The following MKX variants were observed in gnomAD, a reference collection of about 807,000 sequenced individuals.
MKX encodes the protein homeobox protein Mohawk.
MKX carries 13 observed loss-of-function variants against 36.0 expected under a neutral mutation model. The ratio of observed to expected loss-of-function variants is 0.36; its 90% confidence interval spans 0.24 to 0.57. The LOEUF is 0.57. MKX is among the 20% of genes least tolerant of loss of function. MKX has a pLI of 0.79. For missense variants in MKX, 458 were observed against 456.4 expected (o/e 1.00, Z -0.03); for synonymous variants, 176 against 178.3 (o/e 0.99, Z 0.10).
At chr10:27,715,001 A>G (rs988830987) in intron 5 of MKX, among the ~76,000 whole-genome samples, 1 of 152,204 alleles carries the variant, frequency 6.6e-6, no homozygotes, top group Non-Finnish European at 1.5e-5. Flanking sequence ...TGCCTTTGGC[A>G]TTCTGAGGCC....
At chr10:27,710,850 G>A (rs1478549838) in intron 5 of MKX, among the ~76,000 whole-genome samples, 5 of 151,964 alleles carry the variant, frequency 3.3e-5, no homozygotes, top group African/African-American at 1.2e-4. Context: ...GTAGAGATGG[G>A]GTTTCACCAT....
chr10:27,675,924 G>A (rs1486832473), intron 5 of MKX, among the ~76,000 whole-genome samples: 1 of 152,122 alleles, frequency 6.6e-6, no homozygotes, highest in Non-Finnish European at 1.5e-5. Flanking sequence ...TGTAACCTGG[G>A]GGCAGATTAT....
In MKX at chr10:27,741,512, A is replaced by T. The variant is rs1333816058; in HGVS notation, c.189-8T>A. ...CCGCCATTCTGCCGGGCGCTGGGAC[A>T]TGGGGAGAGGAGGCGGCCCTGGTGA... On this transcript the variant is annotated splice_polypyrimidine_tract_variant and splice_region_variant and intron_variant, in intron 2 of 6. Transcript: ENST00000419761. The surrounding 1 kb of genome is among the most constrained non-coding windows in gnomAD (Gnocchi z 5.1). 3 of 1,583,802 alleles carry T rather than the reference A, an allele frequency of 1.9e-6. No homozygotes were observed. The highest frequency in any genetic ancestry group is 2.3e-5 in the East Asian group (1 of 43,592).
At chr10:27,700,058 T>A (rs933952653) in intron 5 of MKX, among the ~76,000 whole-genome samples, 1 of 152,250 alleles carries the variant, frequency 6.6e-6, no homozygotes, top group African/African-American at 2.4e-5. Flanking sequence ...TTGGCCTCCA[T>A]AATTCTGGAA....
At chr10:27,691,713 C>A (rs546016188) in intron 5 of MKX, among the ~76,000 whole-genome samples, 23 of 152,186 alleles carry the variant, frequency 1.5e-4, no homozygotes, top group Non-Finnish European at 2.4e-4. Context: ...CCTCTCTCCA[C>A]CCTTTTGGAG....
Position 27,675,016 on chromosome 10 carries a change from G to A in MKX, c.*213C>T, listed in dbSNP as rs773932749. On this transcript the variant is annotated 3_prime_UTR_variant, in exon 7 of 7. Transcript: ENST00000419761. ...AATGCAGATGTTTTATGCATAGTTT[G>A]AGTAACATAAAATAAGTTAATATTT... 1 of 459,212 alleles carries A rather than the reference G, an allele frequency of 2.2e-6. No homozygotes were observed. Among genetic ancestry groups the A allele is most frequent in the Non-Finnish European group, 3.8e-6 (1 of 261,288 alleles). 28.4% of individuals were successfully genotyped at this position (459,212 alleles called of 1,614,324 possible).
At position 27,714,458 on chromosome 10, in the gene MKX, A is replaced by G. The variant is rs141368029; in HGVS notation, c.838+19998T>C. The stretch of plus-strand genomic sequence containing the variant: ...AATTAATTATTCTCTTAAAGTAACA[A>G]TCTTCATTAATACAAGGTGATCAAA... On this transcript the variant is annotated intron_variant, in intron 5 of 6. Coordinates refer to ENST00000419761, the MANE Select transcript of MKX (RefSeq NM_173576.3). 2.0e-3 allele frequency among the ~76,000 whole-genome samples: 302 copies of G among 152,352 alleles called. 1 individual carries two copies. The highest frequency in any genetic ancestry group is 6.9e-3 in the African/African-American group (287 of 41,574).
At chr10:27,725,321 G>C (rs1367866407) in intron 5 of MKX, among the ~76,000 whole-genome samples, 1 of 152,150 alleles carries the variant, frequency 6.6e-6, no homozygotes, top group Non-Finnish European at 1.5e-5. Context: ...AGGAAAGAGA[G>C]AAAAAGTTCA....
In MKX at chr10:27,691,151, G is replaced by A. The variant is rs1247383690; in HGVS notation, c.839-15597C>T. Among the ~76,000 whole-genome samples, 3 of 152,278 alleles carry A rather than the reference G, an allele frequency of 2.0e-5. No individual in the cohort carries two copies. The East Asian group carries it at 5.8e-4, about 29-fold the overall frequency. Reference sequence around the variant, plus strand: ...AGGTAGTATCTTTATAGCCATGTGAGAATGGAAAAATATAGGCCTCTTACT... The same window carrying A: ...AGGTAGTATCTTTATAGCCATGTGAAAATGGAAAAATATAGGCCTCTTACT... On this transcript the variant is annotated intron_variant, in intron 5 of 6. Transcript: ENST00000419761.
chr10:27,718,389 A>G (rs990055007), intron 5 of MKX, among the ~76,000 whole-genome samples: 1 of 152,218 alleles, frequency 6.6e-6, no homozygotes, highest in Non-Finnish European at 1.5e-5. Flanking sequence ...AATTTTAGTC[A>G]ATTACATTTG....
At chr10:27,683,021 GC>G (rs1010720736) in intron 5 of MKX, among the ~76,000 whole-genome samples, 15 of 151,798 alleles carry the variant, frequency 9.9e-5, no homozygotes, top group Non-Finnish European at 2.1e-4. Flanking sequence ...AGAAAAAGAA[GC>G]GCACAACTAC....
At chr10:27,726,195 A>G (rs1462148138) in intron 5 of MKX, among the ~76,000 whole-genome samples, 1 of 152,226 alleles carries the variant, frequency 6.6e-6, no homozygotes, top group African/African-American at 2.4e-5. Flanking sequence ...TAACGTTGGT[A>G]AACTTGTTCT....
chr10:27,736,281 C>T (rs925756830), intron 3 of MKX, among the ~76,000 whole-genome samples: 1 of 152,040 alleles, frequency 6.6e-6, no homozygotes, highest in African/African-American at 2.4e-5. Context: ...GGAAAATAAA[C>T]CAAAGAACTC....
rs543754919 is a variant in MKX at position 27,695,163 on chromosome 10, G to A, written c.839-19609C>T. 9.2e-5 allele frequency among the ~76,000 whole-genome samples: 14 copies of A among 152,194 alleles called. No homozygotes were observed. In the South Asian group the frequency reaches 2.9e-3, roughly 32 times the overall value. ...TGTCTACCCAGTTAGACCCCTCCCA[G>A]TTAATGGCCAGCAGTAGCGTGCCAC... is the stretch of plus-strand genomic sequence containing the variant. On this transcript the variant is annotated intron_variant, in intron 5 of 6. Coordinates refer to ENST00000419761, the MANE Select transcript of MKX (RefSeq NM_173576.3).
intron 5 of MKX, among the ~76,000 whole-genome samples, chr10:27,695,544 T>C (rs1165909325): frequency 6.6e-6 from 1 of 152,082 alleles, no homozygotes. Flanking sequence ...ACAAGATAGA[T>C]GGTTTGTTAG....
chr10:27,719,975 T>C (rs1195340715), intron 5 of MKX, among the ~76,000 whole-genome samples: 3 of 116,888 alleles, frequency 2.6e-5, no homozygotes, highest in African/African-American at 1.1e-4. Context: ...GGCAACAGAG[T>C]CTCAAAAAAA....
intron 5 of MKX, among the ~76,000 whole-genome samples, chr10:27,699,406 T>G (rs557361362): frequency 6.6e-6 from 1 of 152,298 alleles, no homozygotes; most frequent in South Asian, 2.1e-4. Flanking sequence ...AAAAGGGACT[T>G]GTGGAAAGTG....
chr10:27,710,413 C>T (rs909360931), intron 5 of MKX, among the ~76,000 whole-genome samples: 1 of 152,184 alleles, frequency 6.6e-6, no homozygotes, highest in African/African-American at 2.4e-5. Flanking sequence ...CTCACCAGCT[C>T]ATCTTTAGTT....
At position 27,711,725 on chromosome 10, in the gene MKX, C is replaced by T. The variant is rs1025945532; in HGVS notation, c.838+22731G>A. On this transcript the variant is annotated intron_variant, in intron 5 of 6. Transcript: ENST00000419761. ...AGTAGCCGAAACTACAGGCGCCCAC[C>T]GCCGTGCTCAGCTAATTTTTAAAAC... 9.3e-5 allele frequency among the ~76,000 whole-genome samples: 14 copies of T among 151,080 alleles called. 1 individual carries two copies. The highest frequency in any genetic ancestry group is 2.7e-4 in the African/African-American group (11 of 40,888).
Sources: allele counts gnomAD v4.1 joint callset (sites outside exome capture counted in the v4.1 genomes callset), GRCh38; gene constraint gnomAD v4.1.1; non-coding constraint Gnocchi (gnomAD v3.1); transcripts MANE v1.5; gene names NCBI Gene and HGNC (gene_info 2026-07-23, HGNC 2026-07-21).